Variants in ERG observed in about 807,000 individuals in gnomAD.
The protein encoded by ERG is ETS transcription factor ERG, also known as transcriptional regulator ERG.
A neutral mutation model predicts 55.3 loss-of-function variants in ERG; 9 were observed. The observed-to-expected ratio is 0.16, with a 90% CI of 0.10 to 0.28. The LOEUF is 0.28. Among genes scored for constraint, ERG ranks in the 10% least tolerant of loss-of-function variants. ERG has a pLI of 1.00. For missense variants in ERG, 434 were observed against 631.6 expected, an observed-to-expected ratio of 0.69 and a Z score of 3.35; for synonymous variants, 223 against 237.3, an observed-to-expected ratio of 0.94 and a Z score of 0.55.
At chr21:38,420,083 A>G (rs975739551) in intron 3 of ERG, among the ~76,000 whole-genome samples, 4 of 151,814 alleles carry the variant, frequency 2.6e-5, no homozygotes, top group Admixed American at 1.3e-4. Context: ...GTGCCAAGCA[A>G]TGTCTCTAAG....
rs998883973 is a variant in ERG, at chr21:38,381,296, G to A, written c.*2107C>T. ...GATGTTTCGGCTAGCGCCTTCGCAC[G>A]GTCACCTTGTATTTTCACCTTTTGA... On this transcript the variant is annotated 3_prime_UTR_variant, in exon 10 of 10. Coordinates refer to ENST00000288319, the MANE Select transcript of ERG (RefSeq NM_182918.4). 2.1e-5 allele frequency: 22 copies of A among 1,064,872 alleles called. No homozygotes were observed. The African/African-American group carries it at 3.1e-4, about 15-fold the overall frequency. The allele number at this position is 1,064,872 out of a possible 1,614,324, so 66.0% of individuals were successfully genotyped here.
intron 2 of ERG, among the ~76,000 whole-genome samples, chr21:38,433,890 C>A (rs978848281): frequency 6.6e-6 from 1 of 152,194 alleles, no homozygotes; most frequent in African/African-American, 2.4e-5. Context: ...TCTACCTATT[C>A]TTCTAGAGCC....
At chr21:38,425,394 G>T (rs2146508909) in intron 2 of ERG, among the ~76,000 whole-genome samples, 1 of 150,296 alleles carries the variant, frequency 6.7e-6, no homozygotes, top group South Asian at 2.1e-4. Context: ...AAAAAAAGAA[G>T]AAAGGAAAGA....
chr21:38,392,243 C>T (rs1234514142), intron 7 of ERG, 133 bp downstream of exon 7: 1 of 781,962 alleles, frequency 1.3e-6, no homozygotes, highest in Non-Finnish European at 2.2e-6. Flanking sequence ...CAATTGTACT[C>T]TTGTCGTCAA....
intron 3 of ERG, among the ~76,000 whole-genome samples, chr21:38,409,341 G>A (rs908372258): frequency 2.0e-5 from 3 of 152,020 alleles, no homozygotes; most frequent in Non-Finnish European, 2.9e-5. Flanking sequence ...AAATTAGCCG[G>A]GTGTGGTGGC....
intron 2 of ERG, among the ~76,000 whole-genome samples, chr21:38,545,925 C>T (rs1174248757): frequency 2.0e-5 from 3 of 152,238 alleles, no homozygotes; most frequent in East Asian, 1.9e-4. Flanking sequence ...ACCAAATCTA[C>T]AGACTTCTCC....
intron 7 of ERG, 181 bp downstream of exon 7, chr21:38,392,195 A>G (rs369263939): frequency 1.7e-5 from 12 of 698,114 alleles, no homozygotes; most frequent in Admixed American, 6.2e-5. Flanking sequence ...GAAAGTCCTG[A>G]TGACCCAAAT....
upstream of ERG, among the ~76,000 whole-genome samples, chr21:38,585,822 C>CTATGGG (rs1247445953): frequency 6.6e-6 from 1 of 151,858 alleles, no homozygotes; most frequent in Admixed American, 6.6e-5. Flanking sequence ...TCTTCGAAAC[C>CTATGGG]TATGCATAGA....
intron 1 of ERG, among the ~76,000 whole-genome samples, chr21:38,625,463 C>T (rs1054052463): frequency 1.2e-4 from 18 of 152,148 alleles, no homozygotes; most frequent in African/African-American, 4.1e-4. Flanking sequence ...CTTTAAAATG[C>T]TACCCACTTG....
intron 5 of ERG, among the ~76,000 whole-genome samples, chr21:38,401,833 G>A (rs1363362065): frequency 6.6e-6 from 1 of 152,182 alleles, no homozygotes; most frequent in Non-Finnish European, 1.5e-5. Context: ...CTGTGAGCGG[G>A]GGGCGAGGGA....
intron 1 of ERG, among the ~76,000 whole-genome samples, chr21:38,590,872 T>C (rs933149): frequency 1 from 152,071 of 152,384 alleles, 75,883 homozygotes; most frequent in Middle Eastern, 1. Context: ...GCTTGATCCT[T>C]AATGCCAGAG....
chr21:38,586,323 CTT>C (rs1412976635), upstream of ERG, among the ~76,000 whole-genome samples: 2 of 151,380 alleles, frequency 1.3e-5, no homozygotes, highest in Non-Finnish European at 2.9e-5. Context: ...GAAATCTACT[CTT>C]AGTGATTTTC....
chr21:38,521,727 A>G (rs1213028834), intron 2 of ERG, among the ~76,000 whole-genome samples: 1 of 152,232 alleles, frequency 6.6e-6, no homozygotes, highest in Admixed American at 6.5e-5. Context: ...CTTAGACACA[A>G]TGGTGACAAA....
chr21:38,617,122 C>T (rs1164700876), intron 1 of ERG, among the ~76,000 whole-genome samples: 1 of 152,180 alleles, frequency 6.6e-6, no homozygotes, highest in Non-Finnish European at 1.5e-5. Flanking sequence ...CATAATAATG[C>T]GGCTGTGTCT....
At chr21:38,442,999 G>A (rs939168984) in intron 2 of ERG, among the ~76,000 whole-genome samples, 1 of 152,116 alleles carries the variant, frequency 6.6e-6, no homozygotes, top group Non-Finnish European at 1.5e-5. Context: ...AGTAGAGACA[G>A]GGTTTCACCA....
chr21:38,618,337 A>G (rs994601884), intron 1 of ERG, among the ~76,000 whole-genome samples: 1 of 152,250 alleles, frequency 6.6e-6, no homozygotes, highest in Non-Finnish European at 1.5e-5. Context: ...GATCAGGATC[A>G]TTAACCGGTA....
rs192928159 is a variant in ERG, at chr21:38,605,954, T to C, written c.-149-21009A>G. Among the ~76,000 whole-genome samples the C allele has an allele frequency of 2.8e-4, 42 of 152,076 alleles. 1 individual carries two copies. The highest frequency in any genetic ancestry group is 8.9e-4 in the African/African-American group (37 of 41,382). On this transcript the variant is annotated intron_variant, in intron 1 of 10. Coordinates refer to the ERG transcript ENST00000398910. ...CGTAGGTAAATAGGTAGATGATTGA[T>C]AGAAGTAGGTAGGTAGATAGGTAGG... is the stretch of plus-strand genomic sequence containing the variant.
chr21:38,375,767 T>C (rs2048428529), downstream of ERG, among the ~76,000 whole-genome samples: 1 of 152,242 alleles, frequency 6.6e-6, no homozygotes, highest in African/African-American at 2.4e-5. Context: ...TTGGTGTGTA[T>C]AACACTCCAC....
At chr21:38,503,368 C>CTT (rs35953821), upstream of ERG, among the ~76,000 whole-genome samples, 2,005 of 148,532 alleles carry the variant, frequency 0.013, 40 homozygotes, top group African/African-American at 0.046. Flanking sequence ...GCATAGAGCT[C>CTT]TTTTTTTTTT....
Sources: allele counts gnomAD v4.1 joint callset (sites outside exome capture counted in the v4.1 genomes callset), GRCh38; gene constraint gnomAD v4.1.1; transcripts MANE v1.5; gene names NCBI Gene and HGNC (gene_info 2026-07-23, HGNC 2026-07-21).